Variants in GALNT13 observed in about 807,000 individuals in gnomAD.
GALNT13 encodes the protein UDP-GalNAc:polypeptide N-acetylgalactosaminyltransferase 13.
Under a neutral mutation model 64.2 loss-of-function variants are expected in GALNT13, and 28 were observed. The ratio of observed to expected loss-of-function variants is 0.44; its 90% CI spans 0.32 to 0.60. The LOEUF (loss-of-function observed/expected upper bound fraction) is 0.60. Among genes scored for constraint, GALNT13 ranks in the 20% least tolerant of loss-of-function variants. GALNT13 has a pLI of 0.05. For synonymous variants in GALNT13, 214 were observed against 224.6 expected (o/e 0.95, Z 0.42); for missense variants, 577 against 669.8 (o/e 0.86, Z 1.53).
chr2:154,084,884 A>C (rs1424369468), intron 3 of GALNT13, among the ~76,000 whole-genome samples: 1 of 151,974 alleles, frequency 6.6e-6, no homozygotes, highest in Non-Finnish European at 1.5e-5. Flanking sequence ...TAAATTTGTT[A>C]AGAAGGAAAT....
intron 1 of GALNT13, among the ~76,000 whole-genome samples, chr2:153,876,546 A>T (rs908249953): frequency 6.6e-6 from 1 of 152,166 alleles, no homozygotes; most frequent in African/African-American, 2.4e-5. Flanking sequence ...AGCAGTGTAA[A>T]CCAAACAGAC....
chr2:154,395,675 C>G (rs1234662708), intron 9 of GALNT13, among the ~76,000 whole-genome samples: 2 of 152,088 alleles, frequency 1.3e-5, no homozygotes, highest in Non-Finnish European at 2.9e-5. Context: ...ACATATTACA[C>G]AGCTCAGTTA....
the GALNT13 span, among the ~76,000 whole-genome samples, chr2:153,249,377 G>C: frequency 0.011 from 1,619 of 152,182 alleles, 31 homozygotes; most frequent in African/African-American, 0.038. Context: ...AAATGAGAGA[G>C]GACACAAATC....
chr2:153,106,796 C>T, the GALNT13 span, among the ~76,000 whole-genome samples: 108 of 152,204 alleles, frequency 7.1e-4, no homozygotes, highest in South Asian at 1.2e-3. Context: ...TTAGTGCTCA[C>T]CTACTATTTA....
At chr2:154,446,488 G>T in intron 12 of GALNT13, 1 of 1,344,430 alleles carries the variant, frequency 7.4e-7, no homozygotes, top group South Asian at 1.8e-5. Context: ...AGTAGAAATT[G>T]CATGTTGCCT....
In GALNT13 at chr2:154,247,256, T is replaced by C. The variant is rs532448038; in HGVS notation, c.857+1274T>C. On this transcript the variant is annotated intron_variant, in intron 7 of 12. Transcript: ENST00000392825. ...TAGTAGTCTTAAGTCTTGTATAATC[T>C]TCAAATTCACCAAGTCTTATTGATA... Among the ~76,000 whole-genome samples the C allele has an allele frequency of 3.3e-5, 5 of 152,150 alleles. No individual in the cohort carries two copies. In the East Asian group the frequency reaches 9.7e-4, roughly 29 times the overall value.
Position 154,103,279 on chromosome 2 carries a change from A to G in GALNT13, c.143-37058A>G, listed in dbSNP as rs541595780. ...TAAATTATTTCTTCTGCCTTTTCTA[A>G]TCTATTGTGAAAGCTTTGAACTGTA... On this transcript the variant is annotated intron_variant, in intron 3 of 12. Transcript: ENST00000392825. Among the ~76,000 whole-genome samples the G allele has an allele frequency of 3.4e-3, 519 of 152,184 alleles. 3 individuals are homozygous for G. The highest frequency in any genetic ancestry group is 5.8e-3 in the Non-Finnish European group (397 of 67,990).
At position 154,450,419 on chromosome 2, in the gene GALNT13, G is replaced by A. The variant is rs758542142; in HGVS notation, c.1539G>A (p.Thr513=). The A allele has an allele frequency of 6.2e-6, 10 of 1,610,370 alleles. No homozygotes were observed. Among genetic ancestry groups the A allele is most frequent in the Middle Eastern group, 1.7e-4 (1 of 6,040 alleles). ...QLWEYDAERL[T]LRHVNSNQCL... ...TTGGTTATCTTTTACAGAGACTCACGTTGCGACATGTTAACAGTAACCAAT... is the reference window on the plus strand; with the variant it reads ...TTGGTTATCTTTTACAGAGACTCACATTGCGACATGTTAACAGTAACCAAT... The change falls in exon 13 of 13, where the codon ACG becomes ACA. Residue 513 remains threonine, a synonymous_variant. Coordinates refer to ENST00000392825, the MANE Select transcript of GALNT13 (RefSeq NM_052917.4).
At chr2:153,758,492 T>C in the GALNT13 span, among the ~76,000 whole-genome samples, 2 of 152,228 alleles carry the variant, frequency 1.3e-5, no homozygotes, top group African/African-American at 4.8e-5. Context: ...TGTGGTTTTA[T>C]ATAAATTTTA....
the GALNT13 span, among the ~76,000 whole-genome samples, chr2:153,430,441 G>A: frequency 6.6e-6 from 1 of 151,664 alleles, no homozygotes; most frequent in South Asian, 2.1e-4. Context: ...GTTACACGTG[G>A]TGTATTCTTT....
At chr2:154,145,096 CTATCTA>C (rs1161279941) in intron 4 of GALNT13, among the ~76,000 whole-genome samples, 74 of 124,070 alleles carry the variant, frequency 6.0e-4, no homozygotes, top group South Asian at 3.2e-3. Flanking sequence ...ATCTATCTAT[CTATCTA>C]TATATATATA....
At chr2:153,222,569 T>A in the GALNT13 span, among the ~76,000 whole-genome samples, 1 of 152,170 alleles carries the variant, frequency 6.6e-6, no homozygotes, top group South Asian at 2.1e-4. Context: ...CTTGCCACCA[T>A]CAACATGTCA....
chr2:154,401,320 C>T (rs1270410134), intron 10 of GALNT13, among the ~76,000 whole-genome samples: 1 of 152,124 alleles, frequency 6.6e-6, no homozygotes, highest in Non-Finnish European at 1.5e-5. Context: ...TGTTGGTAAT[C>T]AGATCTATTT....
At chr2:153,194,597 T>C in the GALNT13 span, among the ~76,000 whole-genome samples, 2 of 152,186 alleles carry the variant, frequency 1.3e-5, no homozygotes, top group East Asian at 1.9e-4. Flanking sequence ...TTCATTGGAG[T>C]CTGTTGTTGA....
chr2:153,558,434 T>C, the GALNT13 span, among the ~76,000 whole-genome samples: 1 of 152,166 alleles, frequency 6.6e-6, no homozygotes, highest in South Asian at 2.1e-4. Flanking sequence ...TCCTTTGAAA[T>C]AGCCCCTCCA....
intron 4 of GALNT13, among the ~76,000 whole-genome samples, chr2:154,154,702 C>T (rs1016372723): frequency 2.6e-5 from 4 of 151,936 alleles, no homozygotes; most frequent in Admixed American, 6.6e-5. Flanking sequence ...AAGATAGCTT[C>T]AGGAGGGATG....
chr2:154,114,605 A>T (rs971100212), intron 3 of GALNT13, among the ~76,000 whole-genome samples: 2 of 151,936 alleles, frequency 1.3e-5, no homozygotes, highest in African/African-American at 4.8e-5. Context: ...GGGGACCGGG[A>T]CTCCCCTTCA....
the GALNT13 span, among the ~76,000 whole-genome samples, chr2:153,295,381 C>T: frequency 6.6e-6 from 1 of 152,128 alleles, no homozygotes; most frequent in Non-Finnish European, 1.5e-5. Flanking sequence ...TCGTTTATCT[C>T]ACATTACAGT....
chr2:153,739,043 G>A, the GALNT13 span, among the ~76,000 whole-genome samples: 1 of 151,658 alleles, frequency 6.6e-6, no homozygotes, highest in African/African-American at 2.4e-5. Context: ...TTTATTTTGG[G>A]ATGCTTTTGA....
Sources: gnomAD v4.1 joint callset for allele counts (sites outside exome capture counted in the v4.1 genomes callset) on GRCh38, gnomAD v4.1.1 for gene constraint, MANE v1.5 for transcripts, NCBI Gene and HGNC (gene_info 2026-07-23, HGNC 2026-07-21) for gene names.